The following CLNK variants were observed in gnomAD, a reference collection of about 807,000 sequenced individuals.
CLNK encodes cytokine-dependent hematopoietic cell linker.
In CLNK, 74 loss-of-function variants were observed where a neutral mutation model predicts 68.6. That is an observed-to-expected ratio of 1.08 (90% CI 0.89 to 1.31). The LOEUF (loss-of-function observed/expected upper bound fraction) is 1.31, where lower values mean the gene tolerates loss of function less well. CLNK is among the 50% of genes most tolerant of loss of function. The pLI is 0.00. For missense variants in CLNK, 553 were observed against 515.3 expected (o/e 1.07, Z -0.71); for synonymous variants, 198 against 172.2 (o/e 1.15, Z -1.17).
intron 7 of CLNK, among the ~76,000 whole-genome samples, chr4:10,562,474 C>T (rs992119957): frequency 7.2e-5 from 11 of 152,116 alleles, no homozygotes; most frequent in African/African-American, 1.7e-4. Context: ...GGTGCAATCT[C>T]GGCTCACTGC....
intron 2 of CLNK, among the ~76,000 whole-genome samples, chr4:10,607,363 C>T (rs1314021069): frequency 6.6e-6 from 1 of 152,166 alleles, no homozygotes; most frequent in Non-Finnish European, 1.5e-5. Flanking sequence ...GTCTTGTTAT[C>T]TATCATTTGG....
At chr4:10,638,631 A>G (rs1024366069) in intron 2 of CLNK, among the ~76,000 whole-genome samples, 3 of 152,250 alleles carry the variant, frequency 2.0e-5, no homozygotes, top group African/African-American at 2.4e-5. Flanking sequence ...TATGATTGTC[A>G]TTCCTTGATG....
the CLNK span, among the ~76,000 whole-genome samples, chr4:10,729,135 C>T: frequency 3.3e-5 from 5 of 152,130 alleles, no homozygotes; most frequent in African/African-American, 9.7e-5. Context: ...GTGAGAATGG[C>T]TGCTTCCTCT....
upstream of CLNK, among the ~76,000 whole-genome samples, chr4:10,688,447 A>G (rs991038682): frequency 5.9e-5 from 9 of 152,182 alleles, no homozygotes; most frequent in African/African-American, 2.2e-4. Context: ...AAGGAGGACC[A>G]TGGTGCCTGG....
intron 2 of CLNK, among the ~76,000 whole-genome samples, chr4:10,624,627 T>C (rs1162785545): frequency 6.7e-6 from 1 of 149,320 alleles, no homozygotes; most frequent in Non-Finnish European, 1.5e-5. Context: ...TTAAACTTAT[T>C]TGATAGCAAA....
chr4:10,567,267 T>C (rs959751413), intron 5 of CLNK, among the ~76,000 whole-genome samples: 13 of 152,016 alleles, frequency 8.6e-5, no homozygotes, highest in South Asian at 2.1e-4. Flanking sequence ...TAATTGAGGG[T>C]CCAGAAATAA....
chr4:10,550,781 CCTTTT>C (rs1426206949), intron 8 of CLNK, among the ~76,000 whole-genome samples: 1 of 152,010 alleles, frequency 6.6e-6, no homozygotes, highest in Non-Finnish European at 1.5e-5. Context: ...TTTTTTCTTT[CCTTTT>C]CAAGTTGAGA....
chr4:10,719,458 A>G, the CLNK span, among the ~76,000 whole-genome samples: 1 of 152,076 alleles, frequency 6.6e-6, no homozygotes, highest in Non-Finnish European at 1.5e-5. Context: ...GAAAATTACC[A>G]GAGATAGAGA....
intron 1 of CLNK, among the ~76,000 whole-genome samples, chr4:10,678,951 T>G (rs576829394): frequency 2.0e-5 from 3 of 152,154 alleles, no homozygotes; most frequent in Admixed American, 6.5e-5. Context: ...AGGTAATTTA[T>G]AGATTCAATG....
At chr4:10,689,108 A>G (rs1725372901), upstream of CLNK, among the ~76,000 whole-genome samples, 1 of 151,832 alleles carries the variant, frequency 6.6e-6, no homozygotes, top group Non-Finnish European at 1.5e-5. Context: ...TGTTTTTGCT[A>G]TCTAAGGTTT....
At position 10,566,157 on chromosome 4, in the gene CLNK, AGGT is replaced by A. The variant is rs752877713; in HGVS notation, c.151-10_151-8del. 6.8e-6 allele frequency: 11 copies of A among 1,613,382 alleles called. No individual in the cohort carries two copies. The highest frequency in any genetic ancestry group is 9.3e-6 in the Non-Finnish European group (11 of 1,179,472). ...CTGCAGCAAAGTTTCTTTCCTAAGC[AGGT>A]GGTAACATTCCAGTGAGTCAAAGGA... On this transcript the variant is annotated splice_region_variant and splice_polypyrimidine_tract_variant and intron_variant, in intron 5 of 18. Transcript: ENST00000226951.
chr4:10,586,372 A>G (rs1966375), intron 3 of CLNK, among the ~76,000 whole-genome samples: 32,126 of 133,660 alleles, frequency 0.24, 3,837 homozygotes, highest in Middle Eastern at 0.35. Flanking sequence ...AGTCTCTGTC[A>G]CCAGGCTGGA....
chr4:10,645,839 A>C (rs1723486776), intron 2 of CLNK, among the ~76,000 whole-genome samples: 1 of 152,092 alleles, frequency 6.6e-6, no homozygotes, highest in Non-Finnish European at 1.5e-5. Context: ...GAAGAATTTT[A>C]ATGCTCCCTA....
At chr4:10,610,347 T>G (rs1172078952) in intron 2 of CLNK, among the ~76,000 whole-genome samples, 3 of 148,874 alleles carry the variant, frequency 2.0e-5, no homozygotes, top group Non-Finnish European at 4.5e-5. Flanking sequence ...CCCGGCCCGT[T>G]TTTTTTTTTT....
At chr4:10,639,249 T>A (rs180776497) in intron 2 of CLNK, among the ~76,000 whole-genome samples, 1 of 152,344 alleles carries the variant, frequency 6.6e-6, no homozygotes, top group African/African-American at 2.4e-5. Context: ...TCTGAGTCTT[T>A]TACCCAGCCA....
At chr4:10,657,440 AT>A (rs1724030277) in intron 2 of CLNK, among the ~76,000 whole-genome samples, 1 of 152,242 alleles carries the variant, frequency 6.6e-6, no homozygotes, top group African/African-American at 2.4e-5. Context: ...CCTTATGCAT[AT>A]TTTATAAGTA....
At chr4:10,597,291 G>A (rs3948678) in intron 3 of CLNK, among the ~76,000 whole-genome samples, 104,184 of 151,528 alleles carry the variant, frequency 0.69, 36,595 homozygotes, top group East Asian at 0.77. Flanking sequence ...CCTGAGCATG[G>A]GAGAGACGGT....
chr4:10,645,987 G>T (rs1271056153), intron 2 of CLNK, among the ~76,000 whole-genome samples: 1 of 152,084 alleles, frequency 6.6e-6, no homozygotes, highest in East Asian at 1.9e-4. Context: ...AAAAACATAT[G>T]AACAGTAAAA....
intron 7 of CLNK, 23 bp downstream of exon 7, chr4:10,564,648 C>A (rs1459687609): frequency 6.6e-7 from 1 of 1,519,098 alleles, no homozygotes; most frequent in East Asian, 2.3e-5. Flanking sequence ...ATGTTTGTGT[C>A]ACAATGTCCA....
Sources: allele counts gnomAD v4.1 joint callset (sites outside exome capture counted in the v4.1 genomes callset), GRCh38; gene constraint gnomAD v4.1.1; transcripts MANE v1.5; gene names NCBI Gene and HGNC (gene_info 2026-07-23, HGNC 2026-07-21).